SLC39A11: variants seen among roughly 807,000 people sequenced by gnomAD.
The protein encoded by SLC39A11 is solute carrier family 39 member 11, also known as zinc transporter ZIP11.
SLC39A11 carries 33 observed loss-of-function variants against 36.1 expected under a neutral mutation model. The observed-to-expected ratio is 0.91, with a 90% CI of 0.69 to 1.22. The LOEUF (loss-of-function observed/expected upper bound fraction) is 1.22, where lower values mean the gene tolerates loss of function less well. SLC39A11 is among the 50% of genes most tolerant of loss of function. The pLI, the probability that SLC39A11 is intolerant of heterozygous loss-of-function variation, is 0.00. For missense variants in SLC39A11, 432 were observed against 430.3 expected (o/e 1.00, Z -0.03); for synonymous variants, 166 against 170.3 (o/e 0.97, Z 0.20).
At chr17:72,748,408 C>T (rs2075027391) in intron 6 of SLC39A11, among the ~76,000 whole-genome samples, 1 of 152,178 alleles carries the variant, frequency 6.6e-6, no homozygotes, top group Non-Finnish European at 1.5e-5. Flanking sequence ...CATGAATCCC[C>T]TTTGTAACTA....
intron 6 of SLC39A11, among the ~76,000 whole-genome samples, chr17:72,840,641 C>T (rs189831005): frequency 6.6e-6 from 1 of 152,294 alleles, no homozygotes; most frequent in East Asian, 1.9e-4. Context: ...TGCCTGTAAT[C>T]CCAGCTACTC....
chr17:72,672,953 T>TA (rs1317891755), intron 7 of SLC39A11, among the ~76,000 whole-genome samples: 9 of 152,114 alleles, frequency 5.9e-5, no homozygotes, highest in Non-Finnish European at 1.5e-5. Context: ...CCTATTTGTT[T>TA]ACATATTATC....
intron 7 of SLC39A11, among the ~76,000 whole-genome samples, chr17:72,652,629 G>A (rs78405859): frequency 8.5e-5 from 13 of 152,212 alleles, no homozygotes; most frequent in Middle Eastern, 3.4e-3. Context: ...GAACTCATGC[G>A]TCCTCTTTCC....
intron 7 of SLC39A11, among the ~76,000 whole-genome samples, chr17:72,698,993 G>C (rs2072461815): frequency 1.3e-5 from 2 of 151,862 alleles, no homozygotes; most frequent in South Asian, 2.1e-4. Context: ...ACCACACCTA[G>C]ATAATTTTTG....
At chr17:72,952,813 A>C (rs1489486712) in intron 4 of SLC39A11, among the ~76,000 whole-genome samples, 1 of 152,198 alleles carries the variant, frequency 6.6e-6, no homozygotes, top group Middle Eastern at 3.4e-3. Context: ...GCTGTTCTTG[A>C]CTTTCCACAG....
At chr17:73,067,388 C>T (rs977239781) in intron 3 of SLC39A11, among the ~76,000 whole-genome samples, 1 of 152,184 alleles carries the variant, frequency 6.6e-6, no homozygotes, top group Non-Finnish European at 1.5e-5. Flanking sequence ...CCAGCAACTA[C>T]CTTGGGTCAG....
rs116545064 is a variant in SLC39A11, at chr17:72,654,881, G to A, written c.672-5613C>T. ...AAAGTCCTCGCCGTGACATAGCGCT[G>A]ACTACAGCCATCGCCCGGCGGGCTG... On this transcript the variant is annotated intron_variant, in intron 7 of 9. Coordinates refer to ENST00000255559, the MANE Select transcript of SLC39A11 (RefSeq NM_139177.4). 5.4e-3 allele frequency among the ~76,000 whole-genome samples: 826 copies of A among 152,330 alleles called. 7 individuals carry two copies. The highest frequency in any genetic ancestry group is 0.019 in the African/African-American group (781 of 41,562).
intron 5 of SLC39A11, among the ~76,000 whole-genome samples, chr17:72,937,757 C>T (rs2084863108): frequency 6.6e-6 from 1 of 152,204 alleles, no homozygotes; most frequent in South Asian, 2.1e-4. Context: ...AAGGGCACAA[C>T]CAATTCACTA....
chr17:72,699,023 G>GT (rs2072466028), intron 7 of SLC39A11, among the ~76,000 whole-genome samples: 1 of 152,102 alleles, frequency 6.6e-6, no homozygotes, highest in Non-Finnish European at 1.5e-5. Flanking sequence ...TAGAGACGGG[G>GT]TTTCACCATG....
intron 5 of SLC39A11, among the ~76,000 whole-genome samples, chr17:72,901,489 A>G (rs1032833388): frequency 6.6e-6 from 1 of 152,172 alleles, no homozygotes; most frequent in Non-Finnish European, 1.5e-5. Context: ...GGTACGGTAC[A>G]GATGAAAACA....
At chr17:72,693,671 A>T (rs2072144958) in intron 7 of SLC39A11, among the ~76,000 whole-genome samples, 1 of 151,982 alleles carries the variant, frequency 6.6e-6, no homozygotes, top group African/African-American at 2.4e-5. Context: ...TGCCACAATC[A>T]ACTTCCTGGA....
chr17:73,050,114 G>A (rs918278137), intron 3 of SLC39A11, among the ~76,000 whole-genome samples: 2 of 152,052 alleles, frequency 1.3e-5, no homozygotes, highest in Admixed American at 6.6e-5. Flanking sequence ...GAGTGAGACT[G>A]TCTCTATTTA....
chr17:72,729,987 T>G (rs942905596), intron 7 of SLC39A11, among the ~76,000 whole-genome samples: 3 of 152,200 alleles, frequency 2.0e-5, no homozygotes, highest in Non-Finnish European at 4.4e-5. Context: ...CAATGCGGTC[T>G]GAATGGCATT....
intron 6 of SLC39A11, among the ~76,000 whole-genome samples, chr17:72,808,751 C>T (rs2077339267): frequency 1.3e-5 from 2 of 152,042 alleles, no homozygotes; most frequent in African/African-American, 4.8e-5. Flanking sequence ...TGACTGACCC[C>T]ACCTGGATCT....
At chr17:72,882,010 A>G (rs562594757) in intron 5 of SLC39A11, among the ~76,000 whole-genome samples, 1 of 152,332 alleles carries the variant, frequency 6.6e-6, no homozygotes, top group South Asian at 2.1e-4. Context: ...CTACTAAATT[A>G]CTTGAGCACT....
chr17:72,927,489 C>G (rs1338581027), intron 5 of SLC39A11, among the ~76,000 whole-genome samples: 1 of 152,152 alleles, frequency 6.6e-6, no homozygotes, highest in South Asian at 2.1e-4. Flanking sequence ...GGAAGGCCAT[C>G]CCATGAGTTT....
chr17:72,765,838 T>C (rs16977369), intron 6 of SLC39A11, among the ~76,000 whole-genome samples: 4,503 of 152,284 alleles, frequency 0.03, 93 homozygotes, highest in African/African-American at 0.057. Context: ...GTCTGACTTA[T>C]AACTTGGCCC....
At chr17:72,927,539 T>G (rs1479420622) in intron 5 of SLC39A11, among the ~76,000 whole-genome samples, 2 of 152,132 alleles carry the variant, frequency 1.3e-5, no homozygotes, top group African/African-American at 4.8e-5. Context: ...AAACTCCCGG[T>G]GATTATAAGG....
chr17:72,954,166 C>T (rs1268603629), intron 4 of SLC39A11, among the ~76,000 whole-genome samples: 2 of 152,206 alleles, frequency 1.3e-5, no homozygotes, highest in South Asian at 4.1e-4. Context: ...CCTGTCTCAG[C>T]TTCCCAGTAG....
Sources: allele counts gnomAD v4.1 joint callset (sites outside exome capture counted in the v4.1 genomes callset), GRCh38; gene constraint gnomAD v4.1.1; transcripts MANE v1.5; gene names NCBI Gene and HGNC (gene_info 2026-07-23, HGNC 2026-07-21).